The following MECR variants were observed in gnomAD, a reference collection of about 807,000 sequenced individuals.
MECR encodes enoyl-[acyl-carrier-protein] reductase, mitochondrial.
A neutral mutation model predicts 49.1 loss-of-function variants in MECR; 37 were observed. The ratio of observed to expected loss-of-function variants is 0.75; its 90% CI spans 0.58 to 0.99. MECR has a LOEUF of 0.99. Ranked by LOEUF, MECR falls within the 50% of genes least tolerant of loss-of-function variation. The pLI is 0.00. For synonymous variants in MECR, 198 were observed against 191.1 expected (o/e 1.04, Z -0.30); for missense variants, 470 against 479.6 (o/e 0.98, Z 0.19).
downstream of MECR, among the ~76,000 whole-genome samples, chr1:29,188,874 A>G (rs1673073522): frequency 6.7e-6 from 1 of 149,520 alleles, no homozygotes; most frequent in Admixed American, 6.7e-5. Context: ...TCCTGACCTC[A>G]TGATCTGCCT....
chr1:29,183,924 G>C, the MECR span, among the ~76,000 whole-genome samples: 1 of 147,046 alleles, frequency 6.8e-6, no homozygotes, highest in Non-Finnish European at 1.5e-5. Context: ...CTGTCGCCCA[G>C]GCTGCAGTGC....
At position 29,203,066 on chromosome 1, in the gene MECR, C is replaced by G. The variant is rs769304948; in HGVS notation, c.653+65G>C. ...CGCCCTCTGGTGGACAACTGGGCAC[C>G]GCAGGGATGGGAGGTGGGAAAGACC... On this transcript the variant is annotated intron_variant, in intron 5 of 9. Transcript: ENST00000263702. 805 of 1,365,704 alleles carry G rather than the reference C, an allele frequency of 5.9e-4. 2 individuals carry two copies. Among genetic ancestry groups the G allele is most frequent in the Non-Finnish European group, 7.6e-4 (761 of 1,000,574 alleles). 84.6% of individuals were successfully genotyped at this position (1,365,704 alleles called of 1,614,324 possible). A position where few individuals can be genotyped will look rare whatever the true frequency, so the allele number is the denominator to read the frequency against.
the MECR span, among the ~76,000 whole-genome samples, chr1:29,179,550 A>AAAAT: frequency 6.6e-6 from 1 of 152,070 alleles, no homozygotes; most frequent in African/African-American, 2.4e-5. Context: ...TTTCTTAGAG[A>AAAAT]TGGGGTCAGG....
downstream of MECR, among the ~76,000 whole-genome samples, chr1:29,190,821 G>T (rs1007619648): frequency 6.6e-6 from 1 of 150,694 alleles, no homozygotes; most frequent in African/African-American, 2.4e-5. Context: ...AAAAAAAAGA[G>T]GTTCCTAAGA....
In MECR at chr1:29,200,579, T is replaced by C; in HGVS notation, c.767A>G (p.Gln256Arg). Residue 256 changes from glutamine to arginine, a missense_variant, in exon 7 of 10, where the codon CAG (glutamine) becomes CGG (arginine). Transcript: ENST00000263702. Reference protein sequence around the residue: ...EMKNFFKDMPQPRLALNCVGG... With the variant: ...EMKNFFKDMPRPRLALNCVGG... ...AACACAGTTGAGAGCAAGCCGTGGC[T>C]GGGGCATGTCCTGGAAAACAACAAA... 1 of 1,613,764 alleles carries C rather than the reference T, an allele frequency of 6.2e-7. No individual in the cohort carries two copies. Among genetic ancestry groups the C allele is most frequent in the Non-Finnish European group, 8.5e-7 (1 of 1,179,736 alleles).
intron 1 of MECR, among the ~76,000 whole-genome samples, chr1:29,219,554 A>G (rs2151904840): frequency 6.6e-6 from 1 of 152,292 alleles, no homozygotes; most frequent in South Asian, 2.1e-4. Context: ...AGAATTATAC[A>G]TCATGCTATT....
chr1:29,219,234 T>C (rs1431107739), intron 1 of MECR, among the ~76,000 whole-genome samples: 1 of 152,222 alleles, frequency 6.6e-6, no homozygotes, highest in Non-Finnish European at 1.5e-5. Context: ...CCAGAGCAAA[T>C]GGATTTCGGA....
intron 3 of MECR, among the ~76,000 whole-genome samples, chr1:29,210,115 A>G (rs540208819): frequency 1.9e-4 from 28 of 150,722 alleles, no homozygotes; most frequent in African/African-American, 6.8e-4. Flanking sequence ...GGCTCCCGCC[A>G]TTCTCCTGCC....
At chr1:29,230,061 G>A (rs571839774) in intron 1 of MECR, among the ~76,000 whole-genome samples, 6 of 152,312 alleles carry the variant, frequency 3.9e-5, no homozygotes, top group South Asian at 2.1e-4. Context: ...TGGCACCAAA[G>A]CAGCTCTTTT....
At chr1:29,178,633 G>A in the MECR span, among the ~76,000 whole-genome samples, 3 of 152,078 alleles carry the variant, frequency 2.0e-5, no homozygotes, top group South Asian at 6.2e-4. Context: ...TGGGATTACA[G>A]GCCACCGCGC....
chr1:29,219,517 A>G (rs921202574), intron 1 of MECR, among the ~76,000 whole-genome samples: 3 of 152,176 alleles, frequency 2.0e-5, no homozygotes, highest in Non-Finnish European at 2.9e-5. Context: ...AAAAAAAAAA[A>G]TCACTTGCTC....
chr1:29,211,046 G>A (rs959893540), intron 3 of MECR, among the ~76,000 whole-genome samples: 1 of 151,680 alleles, frequency 6.6e-6, no homozygotes, highest in African/African-American at 2.4e-5. Context: ...ACTGTGGCCT[G>A]TGGGCTAAAT....
rs1673340899 is a variant in MECR at position 29,193,942 on chromosome 1, G to A, written c.*80C>T. 1 of 1,532,514 alleles carries A rather than the reference G, an allele frequency of 6.5e-7. No homozygotes were observed. Among genetic ancestry groups the A allele is most frequent in the East Asian group, 2.2e-5 (1 of 44,506 alleles). 94.9% of individuals were successfully genotyped at this position (1,532,514 alleles called of 1,614,324 possible). On this transcript the variant is annotated 3_prime_UTR_variant, in exon 10 of 10. Transcript: ENST00000263702. The stretch of plus-strand genomic sequence containing the variant: ...AGGAGAACAGTAGTCTGGGGAAGGT[G>A]GGAGCCCCAACTGAGGGGCCTGCAC...
chr1:29,182,063 G>A, the MECR span: 2 of 261,514 alleles, frequency 7.6e-6, no homozygotes, highest in Non-Finnish European at 1.4e-5. Context: ...CGGCGCTGCG[G>A]CACGTCCTCG....
chr1:29,220,355 C>T lies in MECR; in HGVS notation c.177-3670G>A, dbSNP rs529379457. Reference sequence around the variant, plus strand: ...GGTGGAGGTTGCAACAAGTGGAGATCACGCCACTGTACTCCAACCTGGGCG... The same window carrying T: ...GGTGGAGGTTGCAACAAGTGGAGATTACGCCACTGTACTCCAACCTGGGCG... On this transcript the variant is annotated intron_variant, in intron 1 of 9. Coordinates refer to ENST00000263702, the MANE Select transcript of MECR (RefSeq NM_016011.5). Among the ~76,000 whole-genome samples the T allele has an allele frequency of 2.0e-5, 3 of 152,116 alleles. No homozygotes were observed. The East Asian group carries it at 5.8e-4, about 29-fold the overall frequency.
intron 1 of MECR, among the ~76,000 whole-genome samples, chr1:29,227,639 C>T (rs1364886565): frequency 2.0e-5 from 3 of 152,114 alleles, no homozygotes; most frequent in Non-Finnish European, 4.4e-5. Flanking sequence ...TGGCCCACAG[C>T]GCAAGCATCA....
At chr1:29,229,901 C>A (rs72649275) in intron 1 of MECR, among the ~76,000 whole-genome samples, 14,429 of 152,218 alleles carry the variant, frequency 0.095, 844 homozygotes, top group East Asian at 0.28. Flanking sequence ...TTATCAACCA[C>A]GTGCAAAAAG....
At chr1:29,188,105 GGGTT>G (rs1226014311), downstream of MECR, among the ~76,000 whole-genome samples, 1 of 150,204 alleles carries the variant, frequency 6.7e-6, no homozygotes, top group Non-Finnish European at 1.5e-5. Context: ...AGTAGAGATG[GGGTT>G]TCACCATGTT....
chr1:29,184,055 A>G, the MECR span, among the ~76,000 whole-genome samples: 2 of 149,186 alleles, frequency 1.3e-5, no homozygotes, highest in African/African-American at 4.9e-5. Context: ...ATTTTTTTGT[A>G]TTTTAGTAGA....
Sources: allele counts gnomAD v4.1 joint callset (sites outside exome capture counted in the v4.1 genomes callset), GRCh38; gene constraint gnomAD v4.1.1; transcripts MANE v1.5; gene names NCBI Gene and HGNC (gene_info 2026-07-23, HGNC 2026-07-21).